RIC3: variants seen among roughly 807,000 people sequenced by gnomAD.
RIC3 encodes protein RIC-3.
Under a neutral mutation model 27.3 loss-of-function variants are expected in RIC3, and 28 were observed. That is an observed-to-expected ratio of 1.02 (90% CI 0.76 to 1.41). RIC3 has a LOEUF of 1.41. Ranked by LOEUF, RIC3 falls within the 40% of genes most tolerant of loss-of-function variation. The probability of loss-of-function intolerance (pLI) is 0.00; values close to 1 mark genes in which losing one functional copy is unlikely to be tolerated. For synonymous variants in RIC3, 184 were observed against 160.4 expected (o/e 1.15, Z -1.11); for missense variants, 501 against 444.7 (o/e 1.13, Z -1.14).
At chr11:8,133,745 A>G (rs1948020296) in intron 4 of RIC3, among the ~76,000 whole-genome samples, 1 of 152,190 alleles carries the variant, frequency 6.6e-6, no homozygotes, top group Non-Finnish European at 1.5e-5. Flanking sequence ...GGAGACATAA[A>G]TCTGGGATGA....
the RIC3 span, among the ~76,000 whole-genome samples, chr11:8,094,460 C>G: frequency 6.6e-6 from 1 of 152,220 alleles, no homozygotes; most frequent in African/African-American, 2.4e-5. Flanking sequence ...TCCCCCACCT[C>G]AGCTACCTTG....
At chr11:8,155,716 C>T (rs1016422994) in intron 1 of RIC3, among the ~76,000 whole-genome samples, 2 of 152,196 alleles carry the variant, frequency 1.3e-5, no homozygotes, top group Non-Finnish European at 2.9e-5. Context: ...AACTCATCTG[C>T]AGCATTTCAT....
intron 4 of RIC3, among the ~76,000 whole-genome samples, chr11:8,136,026 T>A (rs1403949410): frequency 6.6e-6 from 1 of 152,206 alleles, no homozygotes; most frequent in Non-Finnish European, 1.5e-5. Context: ...TATTAATGTA[T>A]CTATACAACT....
chr11:8,153,411 C>G (rs569191074), intron 1 of RIC3: 2 of 453,330 alleles, frequency 4.4e-6, no homozygotes, highest in Non-Finnish European at 8.8e-6. Context: ...TGTCAGTTCT[C>G]ACTCTTAGTT....
chr11:8,112,227 T>C (rs1945351378), intron 5 of RIC3, among the ~76,000 whole-genome samples: 2 of 152,282 alleles, frequency 1.3e-5, no homozygotes, highest in African/African-American at 4.8e-5. Context: ...CTCATAATAA[T>C]TTGCTTTTTT....
At chr11:8,098,095 T>C in the RIC3 span, among the ~76,000 whole-genome samples, 1 of 151,652 alleles carries the variant, frequency 6.6e-6, no homozygotes, top group Non-Finnish European at 1.5e-5. Flanking sequence ...CCCCAGGGTG[T>C]CACTGATAAC....
rs1945137700 is a variant in RIC3, at chr11:8,110,677, G to C, written c.*21C>G. 2 of 1,608,698 alleles carry C rather than the reference G, an allele frequency of 1.2e-6. No homozygotes were observed. Among genetic ancestry groups the C allele is most frequent in the African/African-American group, 2.7e-5 (2 of 74,842 alleles). The stretch of plus-strand genomic sequence containing the variant: ...AGGTCACCTTGGGACTTGAGTAATG[G>C]ATACTTCAGACTGGCTGTTTTCACT... On this transcript the variant is annotated 3_prime_UTR_variant, in exon 6 of 6. Coordinates refer to ENST00000309737, the MANE Select transcript of RIC3 (RefSeq NM_001206671.4).
chr11:8,142,508 CAGG>C (rs1238715164), intron 1 of RIC3, among the ~76,000 whole-genome samples: 1 of 149,406 alleles, frequency 6.7e-6, no homozygotes, highest in Non-Finnish European at 1.5e-5. Flanking sequence ...AGACCAGTAA[CAGG>C]AGCTGAAATT....
the RIC3 span, chr11:8,097,354 G>A: frequency 1.9e-6 from 3 of 1,614,194 alleles, no homozygotes; most frequent in East Asian, 2.2e-5. Context: ...CATCACTCGG[G>A]ACAAGAAAGG....
At chr11:8,137,843 A>C (rs1347075829) in intron 3 of RIC3, among the ~76,000 whole-genome samples, 5 of 152,334 alleles carry the variant, frequency 3.3e-5, no homozygotes, top group African/African-American at 9.6e-5. Context: ...ATGTTGTATA[A>C]ATTTAATTTC....
the RIC3 span, chr11:8,095,592 C>A: frequency 1.9e-5 from 31 of 1,612,894 alleles, no homozygotes; most frequent in Non-Finnish European, 2.5e-5. Context: ...ACGCCCAGGA[C>A]GCAGGGGAGA....
chr11:8,146,068 T>C (rs543915883), intron 1 of RIC3, among the ~76,000 whole-genome samples: 3 of 152,330 alleles, frequency 2.0e-5, no homozygotes, highest in African/African-American at 7.2e-5. Context: ...GTTATATATA[T>C]GTGAACTACA....
chr11:8,118,868 C>T (rs988030474), intron 5 of RIC3, among the ~76,000 whole-genome samples: 21 of 108,770 alleles, frequency 1.9e-4, no homozygotes, highest in South Asian at 6.0e-4. Flanking sequence ...GAGACTCCAT[C>T]TCAAAAAAAA....
chr11:8,100,818 C>T, the RIC3 span: 6 of 1,613,284 alleles, frequency 3.7e-6, no homozygotes, highest in South Asian at 2.2e-5. Context: ...GTGAGGCTGC[C>T]CTCCCAGGAG....
chr11:8,166,164 T>C (rs1012667172), intron 1 of RIC3, among the ~76,000 whole-genome samples: 6 of 152,250 alleles, frequency 3.9e-5, no homozygotes, highest in African/African-American at 1.4e-4. Flanking sequence ...CAGACTTGAG[T>C]AACTGTGACT....
chr11:8,151,683 G>A (rs1377068945), intron 1 of RIC3, among the ~76,000 whole-genome samples: 1 of 151,588 alleles, frequency 6.6e-6, no homozygotes, highest in Non-Finnish European at 1.5e-5. Flanking sequence ...GGAGGCTGAG[G>A]TGGGCAGATC....
At chr11:8,128,824 A>G (rs534051117) in intron 4 of RIC3, among the ~76,000 whole-genome samples, 88 of 132,834 alleles carry the variant, frequency 6.6e-4, no homozygotes, top group African/African-American at 2.4e-3. Flanking sequence ...GCGCCACCTC[A>G]GCTCACTGCA....
At chr11:8,130,060 G>C (rs952838052) in intron 4 of RIC3, among the ~76,000 whole-genome samples, 10 of 152,114 alleles carry the variant, frequency 6.6e-5, no homozygotes, top group Non-Finnish European at 1.2e-4. Flanking sequence ...AATCTCCAAT[G>C]CATCTTTATT....
At chr11:8,117,951 G>T (rs866873386) in intron 5 of RIC3, among the ~76,000 whole-genome samples, 1 of 151,960 alleles carries the variant, frequency 6.6e-6, no homozygotes, top group Admixed American at 6.6e-5. Flanking sequence ...GGCTGGGCAC[G>T]GTCGCTCACG....
Sources: gnomAD v4.1 joint callset for allele counts (sites outside exome capture counted in the v4.1 genomes callset) on GRCh38, gnomAD v4.1.1 for gene constraint, MANE v1.5 for transcripts, NCBI Gene and HGNC (gene_info 2026-07-23, HGNC 2026-07-21) for gene names.